Variants in INTS9 observed in about 807,000 individuals in gnomAD.
INTS9 encodes the protein integrator complex subunit 9.
Under a neutral mutation model 79.7 loss-of-function variants are expected in INTS9, and 55 were observed. The ratio of observed to expected loss-of-function variants is 0.69; its 90% CI spans 0.56 to 0.86. The LOEUF (loss-of-function observed/expected upper bound fraction) is 0.86. Among genes scored for constraint, INTS9 ranks in the 40% least tolerant of loss-of-function variants. The pLI is 0.00. For missense variants in INTS9, 721 were observed against 831.5 expected, an observed-to-expected ratio of 0.87 and a Z score of 1.64; for synonymous variants, 319 against 325.2, an observed-to-expected ratio of 0.98 and a Z score of 0.20.
At chr8:28,833,493 A>AC (rs1806619643) in intron 6 of INTS9, among the ~76,000 whole-genome samples, 1 of 151,940 alleles carries the variant, frequency 6.6e-6, no homozygotes, top group Non-Finnish European at 1.5e-5. Context: ...GGTTGCACAC[A>AC]CCTGCAGTCC....
Position 28,770,027 on chromosome 8 carries a change from C to T in INTS9, c.1663-1G>A. 1 of 1,613,486 alleles carries T rather than the reference C, an allele frequency of 6.2e-7. No homozygotes were observed. Among genetic ancestry groups the T allele is most frequent in the Non-Finnish European group, 8.5e-7 (1 of 1,179,850 alleles). ...TGGGCTGGGCGGGCCGAGGAGGGGG[C>T]TAGAGCAGAAGGAAAGAGTGGCTTT... On this transcript the variant is annotated splice_acceptor_variant, in intron 15 of 16. Transcript: ENST00000521022. LOFTEE classifies it high-confidence loss of function.
intron 8 of INTS9, chr8:28,798,457 C>T (rs1804338183): frequency 6.6e-6 from 1 of 152,178 alleles, no homozygotes; most frequent in Admixed American, 6.5e-5. Flanking sequence ...ATCCAGGAAC[C>T]TTCTAAAATG....
chr8:28,822,562 T>C (rs1168960601), intron 6 of INTS9, among the ~76,000 whole-genome samples: 1 of 151,992 alleles, frequency 6.6e-6, no homozygotes, highest in Non-Finnish European at 1.5e-5. Context: ...CTGTTCTAAA[T>C]TGAAAGGGCC....
At chr8:28,854,268 C>A (rs572125683) in intron 2 of INTS9, among the ~76,000 whole-genome samples, 7 of 152,124 alleles carry the variant, frequency 4.6e-5, no homozygotes, top group African/African-American at 1.7e-4. Context: ...TATTAACAAG[C>A]TTAATACTCA....
chr8:28,870,079 C>G (rs991594917), intron 1 of INTS9, among the ~76,000 whole-genome samples: 4 of 152,060 alleles, frequency 2.6e-5, no homozygotes, highest in African/African-American at 9.7e-5. Flanking sequence ...GTTTGGCTAT[C>G]TGGAACCAGC....
At chr8:28,874,859 GT>G (rs1397494629) in intron 1 of INTS9, among the ~76,000 whole-genome samples, 5 of 152,234 alleles carry the variant, frequency 3.3e-5, no homozygotes, top group Non-Finnish European at 7.4e-5. Context: ...GTATTAGTCC[GT>G]TTTCACACTG....
At chr8:28,841,499 A>C (rs1187966724) in intron 4 of INTS9, among the ~76,000 whole-genome samples, 1 of 152,142 alleles carries the variant, frequency 6.6e-6, no homozygotes, top group Non-Finnish European at 1.5e-5. Flanking sequence ...AAAAATAAAA[A>C]ATTATTCTGT....
At chr8:28,773,234 C>G (rs1052568873) in intron 14 of INTS9, among the ~76,000 whole-genome samples, 1 of 152,190 alleles carries the variant, frequency 6.6e-6, no homozygotes, top group South Asian at 2.1e-4. Context: ...GAGGCCAAGG[C>G]GGGTGGATCA....
intron 6 of INTS9, among the ~76,000 whole-genome samples, chr8:28,822,863 A>C (rs192018786): frequency 6.6e-6 from 1 of 152,076 alleles, no homozygotes; most frequent in South Asian, 2.1e-4. Flanking sequence ...TGCCCACCCC[A>C]CACACTTCCC....
At chr8:28,842,479 C>A (rs1807248712) in intron 4 of INTS9, among the ~76,000 whole-genome samples, 1 of 152,198 alleles carries the variant, frequency 6.6e-6, no homozygotes, top group East Asian at 1.9e-4. Context: ...ATAATCAGAA[C>A]CCTTCTGCCA....
chr8:28,821,202 A>C (rs745474653), intron 6 of INTS9, among the ~76,000 whole-genome samples: 2 of 152,224 alleles, frequency 1.3e-5, no homozygotes, highest in African/African-American at 2.4e-5. Context: ...CACACTGCTG[A>C]TAAAGACATA....
At chr8:28,889,447 G>GT (rs1207214867) in intron 1 of INTS9, among the ~76,000 whole-genome samples, 4 of 152,212 alleles carry the variant, frequency 2.6e-5, no homozygotes, top group Non-Finnish European at 5.9e-5. Context: ...TCTGCTGGAT[G>GT]TTTTTTACTG....
At position 28,775,850 on chromosome 8, in the gene INTS9, T is replaced by TCG; in HGVS notation, c.1470_1471dup (p.Asp491AlafsTer82). ...ATAGGACATGGCGGGGGGCTGGCAG[T>TCG]CGATCATGAGGTCCATCCTGTGGGA... On this transcript the variant is annotated frameshift_variant, in exon 14 of 17. Coordinates refer to ENST00000521022, the MANE Select transcript of INTS9 (RefSeq NM_018250.4). LOFTEE classifies it high-confidence loss of function. The TCG allele has an allele frequency of 6.2e-7, 1 of 1,613,344 alleles. No individual in the cohort carries two copies. The highest frequency in any genetic ancestry group is 1.1e-5 in the South Asian group (1 of 90,970).
intron 6 of INTS9, among the ~76,000 whole-genome samples, chr8:28,831,605 C>A: frequency 6.6e-6 from 1 of 152,170 alleles, no homozygotes; most frequent in Middle Eastern, 3.2e-3. Context: ...GAGGCAAAGG[C>A]AAAATGCTGA....
intron 6 of INTS9, among the ~76,000 whole-genome samples, chr8:28,822,223 A>C (rs909164457): frequency 5.3e-5 from 8 of 152,222 alleles, no homozygotes. Context: ...AGAAGAGAAA[A>C]ATATTTAAAT....
At chr8:28,852,094 TTGC>T (rs1807871586) in intron 2 of INTS9, among the ~76,000 whole-genome samples, 2 of 143,572 alleles carry the variant, frequency 1.4e-5, no homozygotes. Context: ...TGGTACACGC[TTGC>T]AGTCTCAGCT....
rs59185485 is a variant in INTS9 at position 28,833,650 on chromosome 8, C to CA, written c.488+1641dup. Among the ~76,000 whole-genome samples, 681 of 113,272 alleles carry CA rather than the reference C, an allele frequency of 6.0e-3. 6 individuals are homozygous for CA. The highest frequency in any genetic ancestry group is 0.013 in the Admixed American group (150 of 11,488). 74.3% of individuals were successfully genotyped at this position (113,272 alleles called of 152,430 possible). A position where few individuals can be genotyped will look rare whatever the true frequency, so the allele number is the denominator to read the frequency against. ...CAAAAACAAAAACAAAAACAAAAAC[C>CA]AAAAAAAAAACAAAAGAAAAAGAAA... is the stretch of plus-strand genomic sequence containing the variant. On this transcript the variant is annotated intron_variant, in intron 6 of 16. Transcript: ENST00000521022.
At chr8:28,813,699 C>A in intron 6 of INTS9, 87 bp from the exon 7 acceptor site, 1 of 1,433,806 alleles carries the variant, frequency 7.0e-7, no homozygotes, top group Non-Finnish European at 9.6e-7. Context: ...CCATTTGATC[C>A]AAATGGTTTA....
At chr8:28,876,271 T>G (rs1024304387) in intron 1 of INTS9, among the ~76,000 whole-genome samples, 1 of 152,200 alleles carries the variant, frequency 6.6e-6, no homozygotes, top group African/African-American at 2.4e-5. Context: ...AGGGATCATG[T>G]GTAGAAATCC....
Sources: gnomAD v4.1 joint callset for allele counts (sites outside exome capture counted in the v4.1 genomes callset) on GRCh38, gnomAD v4.1.1 for gene constraint, MANE v1.5 for transcripts, NCBI Gene and HGNC (gene_info 2026-07-23, HGNC 2026-07-21) for gene names.